MORC1: variants seen among roughly 807,000 people sequenced by gnomAD.
The protein encoded by MORC1 is MORC family CW-type zinc finger 1, also known as MORC family CW-type zinc finger protein 1.
A neutral mutation model predicts 134.9 loss-of-function variants in MORC1; 59 were observed. That is an observed-to-expected ratio of 0.44 (90% CI 0.35 to 0.54). The LOEUF is 0.54. MORC1 is among the 20% of genes least tolerant of loss of function. The probability of loss-of-function intolerance (pLI) is 0.00; values close to 1 mark genes in which losing one functional copy is unlikely to be tolerated. For missense variants in MORC1, 947 were observed against 1,134.5 expected, an observed-to-expected ratio of 0.83 and a Z score of 2.37; for synonymous variants, 395 against 391.7, an observed-to-expected ratio of 1.01 and a Z score of -0.10.
chr3:109,107,250 C>G (rs1951059307), intron 3 of MORC1, among the ~76,000 whole-genome samples: 1 of 152,070 alleles, frequency 6.6e-6, no homozygotes, highest in Non-Finnish European at 1.5e-5. Flanking sequence ...ACCCCTTTAT[C>G]TCTGTTTTTG....
intron 8 of MORC1, among the ~76,000 whole-genome samples, chr3:109,076,923 C>T (rs1301365167): frequency 1.3e-5 from 2 of 148,508 alleles, no homozygotes; most frequent in Admixed American, 1.3e-4. Flanking sequence ...ATGTGTATAC[C>T]TATGTAACAA....
intron 1 of MORC1, 148 bp downstream of exon 1, chr3:109,117,847 G>A (rs1576764110): frequency 4.3e-6 from 3 of 703,462 alleles, no homozygotes; most frequent in East Asian, 2.7e-5. Context: ...TGCTTTCATC[G>A]TTTTAAAAAA....
intron 3 of MORC1, among the ~76,000 whole-genome samples, chr3:109,106,788 C>T (rs968406811): frequency 6.6e-6 from 1 of 152,192 alleles, no homozygotes; most frequent in Non-Finnish European, 1.5e-5. Flanking sequence ...CTTTCTGGAT[C>T]ACAACAGCGC....
intron 8 of MORC1, among the ~76,000 whole-genome samples, chr3:109,071,688 T>C (rs2107711987): frequency 6.6e-6 from 1 of 152,292 alleles, no homozygotes; most frequent in South Asian, 2.1e-4. Context: ...CAGCAACATG[T>C]GTGTGATGTT....
intron 2 of MORC1, among the ~76,000 whole-genome samples, chr3:109,112,105 T>C (rs1414613888): frequency 2.0e-5 from 3 of 152,200 alleles, no homozygotes; most frequent in Non-Finnish European, 4.4e-5. Flanking sequence ...TGTACTGAAA[T>C]GTAAGTTTTT....
chr3:109,078,639 A>G (rs1950468342), intron 8 of MORC1, among the ~76,000 whole-genome samples: 1 of 151,898 alleles, frequency 6.6e-6, no homozygotes, highest in African/African-American at 2.4e-5. Context: ...AGGAAGTAGA[A>G]AAAGAAAAAT....
chr3:108,973,811 G>A (rs1431040252), intron 24 of MORC1, among the ~76,000 whole-genome samples: 1 of 151,750 alleles, frequency 6.6e-6, no homozygotes, highest in Non-Finnish European at 1.5e-5. Flanking sequence ...TGTTGCCCAG[G>A]TCTCAAACTC....
At position 109,094,042 on chromosome 3, in the gene MORC1, C is replaced by T. The variant is rs920922959; in HGVS notation, c.584-501G>A. On this transcript the variant is annotated intron_variant, in intron 7 of 27. Transcript: ENST00000232603. ...AATATTTTAGGCTTTGCAGGCCATA[C>T]GGTCTCTGTTGCAACTATTCACAAT... 1.8e-4 allele frequency among the ~76,000 whole-genome samples: 27 copies of T among 152,178 alleles called. 1 individual carries two copies. The highest frequency in any genetic ancestry group is 2.1e-4 in the South Asian group (1 of 4,830).
chr3:108,975,177 T>C (rs1330597504), intron 24 of MORC1, among the ~76,000 whole-genome samples: 1 of 152,232 alleles, frequency 6.6e-6, no homozygotes, highest in African/African-American at 2.4e-5. Context: ...CCTAGTTAAT[T>C]AGCTTAGTCC....
chr3:109,005,207 CTA>C lies in MORC1; in HGVS notation c.1874_1875del (p.Ile625ArgfsTer6). The C allele has an allele frequency of 6.2e-7, 1 of 1,613,954 alleles. No homozygotes were observed. Among genetic ancestry groups the C allele is most frequent in the Admixed American group, 1.7e-5 (1 of 59,980 alleles). The part of the protein sequence containing the change: ...SASRRGQKRN[I>X]EETDSDVEYI... ...TACTCTACATCAGAGTCTGTCTCTTCTATGTTTCTTTTCTGTCCTCTACGGCT... is the reference window on the plus strand; with the variant it reads ...TACTCTACATCAGAGTCTGTCTCTTCTGTTTCTTTTCTGTCCTCTACGGCT... On this transcript the variant is annotated frameshift_variant, in exon 19 of 28. Transcript: ENST00000232603. LOFTEE classifies it high-confidence loss of function.
chr3:109,105,340 T>C (rs1193989861), intron 3 of MORC1, among the ~76,000 whole-genome samples: 2 of 152,200 alleles, frequency 1.3e-5, no homozygotes, highest in Admixed American at 6.5e-5. Flanking sequence ...CTGGCCAACA[T>C]GGTGAAACCC....
At chr3:109,049,214 A>C in intron 14 of MORC1, 5 of 928,470 alleles carry the variant, frequency 5.4e-6, no homozygotes, top group Non-Finnish European at 5.1e-6. Flanking sequence ...ATCATATGGA[A>C]AACAAAATTC....
intron 24 of MORC1, among the ~76,000 whole-genome samples, chr3:108,972,278 T>TA (rs34993951): frequency 0.4 from 60,127 of 151,956 alleles, 12,356 homozygotes; most frequent in Middle Eastern, 0.56. Flanking sequence ...CACCACATCT[T>TA]AAAGTGTATA....
intron 22 of MORC1, among the ~76,000 whole-genome samples, chr3:108,985,481 G>A (rs771655031): frequency 3.9e-5 from 6 of 152,296 alleles, no homozygotes; most frequent in Non-Finnish European, 7.4e-5. Flanking sequence ...GGTTATTGAA[G>A]GCTAAGTAGA....
chr3:109,049,017 T>C, intron 14 of MORC1: 3 of 388,706 alleles, frequency 7.7e-6, no homozygotes, highest in Non-Finnish European at 1.1e-5. Context: ...GGTACATACA[T>C]AAAATCTTTA....
At chr3:109,068,592 G>A (rs764656230) in intron 9 of MORC1, among the ~76,000 whole-genome samples, 1 of 152,136 alleles carries the variant, frequency 6.6e-6, no homozygotes. Flanking sequence ...ATATACCACA[G>A]TGTCTTTATC....
At chr3:109,027,694 T>C (rs1392724167) in intron 17 of MORC1, 57 bp downstream of exon 17, 25 of 1,607,172 alleles carry the variant, frequency 1.6e-5, no homozygotes, top group Non-Finnish European at 1.8e-5. Context: ...TTTGCACATA[T>C]GAAACCAACA....
chr3:109,105,392 G>T (rs936852866), intron 3 of MORC1, among the ~76,000 whole-genome samples: 2 of 152,120 alleles, frequency 1.3e-5, no homozygotes, highest in Non-Finnish European at 2.9e-5. Context: ...GTGTGGTGGC[G>T]TGTGCCTGTA....
At chr3:109,037,086 C>T (rs555509982) in intron 14 of MORC1, among the ~76,000 whole-genome samples, 1 of 152,326 alleles carries the variant, frequency 6.6e-6, no homozygotes, top group East Asian at 1.9e-4. Context: ...TTACAATTCA[C>T]TGAGGGGTTG....
Sources: allele counts gnomAD v4.1 joint callset (sites outside exome capture counted in the v4.1 genomes callset), GRCh38; gene constraint gnomAD v4.1.1; transcripts MANE v1.5; gene names NCBI Gene and HGNC (gene_info 2026-07-23, HGNC 2026-07-21).